Variants in DNAH12 observed in about 807,000 individuals in gnomAD.
DNAH12 encodes the protein axonemal beta dynein heavy chain 12.
In DNAH12, 285 loss-of-function variants were observed where a neutral mutation model predicts 371.5. The ratio of observed to expected loss-of-function variants is 0.77; its 90% CI spans 0.70 to 0.85. DNAH12 has a LOEUF of 0.85. DNAH12 is among the 40% of genes least tolerant of loss of function. The pLI is 0.00. For synonymous variants in DNAH12, 1,200 were observed against 1,213.0 expected (o/e 0.99, Z 0.22); for missense variants, 3,611 against 3,689.4 (o/e 0.98, Z 0.55).
At chr3:57,523,915 T>A in intron 2 of DNAH12, 31 bp from the exon 3 acceptor site, 2 of 1,450,710 alleles carry the variant, frequency 1.4e-6, no homozygotes, top group Non-Finnish European at 1.9e-6. Context: ...TATGACTCTC[T>A]TGATAACATT....
chr3:57,309,341 T>G, intron 68 of DNAH12, 87 bp from the exon 69 acceptor site: 1 of 1,048,254 alleles, frequency 9.5e-7, no homozygotes, highest in South Asian at 1.6e-5. Flanking sequence ...TAGCTAATAC[T>G]AGGGTGTATA....
chr3:57,402,599 T>C (rs75446287), intron 43 of DNAH12, among the ~76,000 whole-genome samples: 3,603 of 152,282 alleles, frequency 0.024, 65 homozygotes, highest in Admixed American at 0.035. Flanking sequence ...AGATAAACAT[T>C]ACATGTTCTC....
intron 20 of DNAH12, among the ~76,000 whole-genome samples, chr3:57,458,842 A>T (rs1281694190): frequency 6.6e-6 from 1 of 152,138 alleles, no homozygotes; most frequent in African/African-American, 2.4e-5. Context: ...AGCCTAAAAT[A>T]TTTACTATTT....
chr3:57,545,351 G>T (rs1456315481), upstream of DNAH12, among the ~76,000 whole-genome samples: 13 of 149,658 alleles, frequency 8.7e-5, no homozygotes, highest in Non-Finnish European at 1.5e-4. Flanking sequence ...TAGAGACGGG[G>T]TTTCTCCATG....
intron 34 of DNAH12, among the ~76,000 whole-genome samples, chr3:57,427,478 G>A (rs1169263607): frequency 3.9e-5 from 6 of 152,042 alleles, no homozygotes; most frequent in African/African-American, 1.5e-4. Flanking sequence ...ACTGAGGTCA[G>A]GAGTTCGAGA....
intron 11 of DNAH12, among the ~76,000 whole-genome samples, chr3:57,494,276 G>A (rs1399136850): frequency 6.6e-6 from 1 of 151,246 alleles, no homozygotes; most frequent in Non-Finnish European, 1.5e-5. Flanking sequence ...ACATTGGCTG[G>A]GCCCAGTGTC....
chr3:57,362,277 T>C (rs2062954606), intron 58 of DNAH12, among the ~76,000 whole-genome samples: 1 of 152,200 alleles, frequency 6.6e-6, no homozygotes, highest in Non-Finnish European at 1.5e-5. Context: ...TGATGGACAT[T>C]TGGGTTGGTT....
intron 65 of DNAH12, among the ~76,000 whole-genome samples, chr3:57,321,144 C>T (rs1056485804): frequency 2.6e-5 from 4 of 152,110 alleles, no homozygotes; most frequent in African/African-American, 9.7e-5. Context: ...CTTTCTTGCC[C>T]TCGCTCTTCT....
chr3:57,381,873 A>ATT (rs1194851604), intron 50 of DNAH12, among the ~76,000 whole-genome samples: 314 of 129,772 alleles, frequency 2.4e-3, no homozygotes, highest in African/African-American at 6.5e-3. Flanking sequence ...CCATATATAT[A>ATT]TATTTTTTTT....
chr3:57,314,447 T>G, intron 66 of DNAH12, 47 bp downstream of exon 66: 1 of 1,548,224 alleles, frequency 6.5e-7, no homozygotes, highest in Non-Finnish European at 8.7e-7. Flanking sequence ...GCCTAGGGCC[T>G]GATAAATAGT....
chr3:57,354,908 A>C (rs1166545137), intron 59 of DNAH12, among the ~76,000 whole-genome samples: 1 of 152,218 alleles, frequency 6.6e-6, no homozygotes. Flanking sequence ...TTTATATAAA[A>C]TTTTTGAAGT....
At chr3:57,347,864 T>C (rs992612824) in intron 60 of DNAH12, among the ~76,000 whole-genome samples, 6 of 152,124 alleles carry the variant, frequency 3.9e-5, no homozygotes, top group Non-Finnish European at 7.3e-5. Context: ...CTAAACACTA[T>C]TAAAATGGCC....
chr3:57,297,264 TTATTA>T (rs1204173121), intron 70 of DNAH12: 1 of 412,026 alleles, frequency 2.4e-6, no homozygotes, highest in East Asian at 4.5e-5. Flanking sequence ...ATTTGATGCT[TTATTA>T]TATCATCCCA....
intron 11 of DNAH12, among the ~76,000 whole-genome samples, chr3:57,500,893 C>G (rs527498910): frequency 2.6e-5 from 4 of 152,200 alleles, no homozygotes; most frequent in African/African-American, 9.6e-5. Flanking sequence ...GTAAGAAGGA[C>G]TACAGGCATG....
intron 60 of DNAH12, among the ~76,000 whole-genome samples, chr3:57,335,826 A>G (rs1553653493): frequency 6.6e-6 from 1 of 152,234 alleles, no homozygotes; most frequent in Non-Finnish European, 1.5e-5. Context: ...GAAAGCTCCC[A>G]GAGATCACAC....
chr3:57,542,450 A>G (rs149282276), intron 2 of DNAH12, among the ~76,000 whole-genome samples: 41 of 152,308 alleles, frequency 2.7e-4, no homozygotes, highest in African/African-American at 9.9e-4. Flanking sequence ...CATCTAAACA[A>G]TGGAGCTAAC....
intron 29 of DNAH12, 39 bp from the exon 30 acceptor site, chr3:57,437,099 A>C: frequency 8.2e-7 from 1 of 1,226,506 alleles, no homozygotes; most frequent in Non-Finnish European, 1.1e-6. Flanking sequence ...ACAACACAAT[A>C]TTATAAATGT....
chr3:57,480,635 A>G (rs1441491101), intron 13 of DNAH12, among the ~76,000 whole-genome samples: 1 of 152,066 alleles, frequency 6.6e-6, no homozygotes, highest in Admixed American at 6.6e-5. Context: ...ATTTTAGACC[A>G]ATATCCCTGA....
In DNAH12 at chr3:57,419,472, T is replaced by A. The variant is rs1040399826; in HGVS notation, c.5609A>T (p.Asn1870Ile). 6.7e-7 allele frequency: 1 copy of A among 1,488,120 alleles called. No individual in the cohort carries two copies. The highest frequency in any genetic ancestry group is 1.4e-5 in the African/African-American group (1 of 69,498). The allele number at this position is 1,488,120 out of a possible 1,614,324, so 92.2% of individuals were successfully genotyped here. A position where few individuals can be genotyped will look rare whatever the true frequency, so the allele number is the denominator to read the frequency against. ...GATTTGTTTATCTCCTAAATTAGTA[T>A]TTTTAATTAATTCATTCCAATGGAC... is the stretch of plus-strand genomic sequence containing the variant. ...RWVHWNELIK[N>I]TNLGDKQIKI... The change falls in exon 37 of 74, where the codon AAT (asparagine) becomes ATT (isoleucine). Residue 1870 changes from asparagine to isoleucine, a missense_variant. Asn to Ile is a moderately radical substitution (Grantham distance 149). Coordinates refer to ENST00000495027, the MANE Select transcript of DNAH12 (RefSeq NM_001366028.2).
Sources: gnomAD v4.1 joint callset for allele counts (sites outside exome capture counted in the v4.1 genomes callset) on GRCh38, gnomAD v4.1.1 for gene constraint, MANE v1.5 for transcripts, NCBI Gene and HGNC (gene_info 2026-07-23, HGNC 2026-07-21) for gene names.